Variants in SLC37A1 observed in about 807,000 individuals in gnomAD.
The protein encoded by SLC37A1 is solute carrier family 37 member 1.
Under a neutral mutation model 75.3 loss-of-function variants are expected in SLC37A1, and 49 were observed. The observed-to-expected ratio is 0.65, with a 90% CI of 0.52 to 0.83. The LOEUF (loss-of-function observed/expected upper bound fraction) is 0.83, where lower values mean the gene tolerates loss of function less well. SLC37A1 is among the 40% of genes least tolerant of loss of function. The probability of loss-of-function intolerance (pLI) is 0.00; values close to 1 mark genes in which losing one functional copy is unlikely to be tolerated. For missense variants in SLC37A1, 566 were observed against 695.0 expected, an observed-to-expected ratio of 0.81 and a Z score of 2.09; for synonymous variants, 268 against 292.1, an observed-to-expected ratio of 0.92 and a Z score of 0.84.
At chr21:42,517,899 C>T (rs548772439) in intron 1 of SLC37A1, among the ~76,000 whole-genome samples, 1 of 152,252 alleles carries the variant, frequency 6.6e-6, no homozygotes, top group Non-Finnish European at 1.5e-5. Flanking sequence ...GGAACTGAGG[C>T]AGTCCAGTGC....
At chr21:42,550,061 G>A (rs756488196) in intron 9 of SLC37A1, among the ~76,000 whole-genome samples, 1 of 152,278 alleles carries the variant, frequency 6.6e-6, no homozygotes, top group East Asian at 1.9e-4. Flanking sequence ...GACTACTTCA[G>A]TATGTTTCCA....
At chr21:42,541,500 G>C (rs1020765215) in intron 6 of SLC37A1, among the ~76,000 whole-genome samples, 5 of 152,208 alleles carry the variant, frequency 3.3e-5, no homozygotes, top group African/African-American at 9.6e-5. Context: ...CAAGACGCTA[G>C]AGCGTCCTCA....
chr21:42,571,433 CAAGTT>C (rs1489325375), intron 17 of SLC37A1, among the ~76,000 whole-genome samples: 1 of 152,202 alleles, frequency 6.6e-6, no homozygotes, highest in East Asian at 1.9e-4. Flanking sequence ...CATTTTTCTT[CAAGTT>C]AATTTTTATT....
chr21:42,529,733 A>G (rs889631365), intron 3 of SLC37A1, among the ~76,000 whole-genome samples: 1 of 152,216 alleles, frequency 6.6e-6, no homozygotes, highest in Non-Finnish European at 1.5e-5. Context: ...TCGCCAGGAA[A>G]TATGTGAATG....
Position 42,547,352 on chromosome 21 carries a change from A to G in SLC37A1, c.768+212A>G, listed in dbSNP as rs17115079. The G allele has an allele frequency of 4.1e-3, 2,270 of 560,474 alleles. 32 individuals are homozygous for G. The highest frequency in any genetic ancestry group is 0.038 in the African/African-American group (2,017 of 53,022). 34.7% of individuals were successfully genotyped at this position (560,474 alleles called of 1,614,324 possible). A position where few individuals can be genotyped will look rare whatever the true frequency, so the allele number is the denominator to read the frequency against. On this transcript the variant is annotated intron_variant, in intron 9 of 19. Transcript: ENST00000352133. This position sits in a 1 kb window ranked among gnomAD's most constrained non-coding sequence, Gnocchi z 6.1. ...CAGCAAAACCCAGACAAGAGGTTCA[A>G]TGCTGTCCAGATGAAGGACTTCATG...
intron 5 of SLC37A1, among the ~76,000 whole-genome samples, chr21:42,539,071 A>T (rs557284812): frequency 6.6e-6 from 1 of 152,336 alleles, no homozygotes; most frequent in East Asian, 1.9e-4. Flanking sequence ...ACTTAATTAC[A>T]GCTCGTGGGG....
Position 42,530,656 on chromosome 21 carries a change from C to CACACACACACACA in SLC37A1, c.139-4042_139-4041insACACACACACACA, listed in dbSNP as rs1568997149. On this transcript the variant is annotated intron_variant, in intron 3 of 19. Coordinates refer to ENST00000352133, the MANE Select transcript of SLC37A1 (RefSeq NM_001320537.2). Reference sequence around the variant, plus strand: ...CACACACACACACACACACACACACCCCCTCTGTGTTGGCTGAAGGTGGAG... The same window carrying CACACACACACACA: ...CACACACACACACACACACACACACCACACACACACACACCCTCTGTGTTGGCTGAAGGTGGAG... 3.5e-3 allele frequency among the ~76,000 whole-genome samples: 83 copies of CACACACACACACA among 23,484 alleles called. 4 individuals carry two copies. The highest frequency in any genetic ancestry group is 7.5e-3 in the African/African-American group (53 of 7,028). 15.4% of individuals were successfully genotyped at this position (23,484 alleles called of 152,430 possible). A position where few individuals can be genotyped will look rare whatever the true frequency, so the allele number is the denominator to read the frequency against.
rs1252417091 is a variant in SLC37A1 at position 42,576,880 on chromosome 21, TAGAG to T, written c.1521+1969_1521+1972del. ...GCACAAAAAGAGAGATGGAAAATAT[TAGAG>T]AGAAATTAAATATAAAATGGAGGAC... On this transcript the variant is annotated intron_variant, in intron 18 of 19. Transcript: ENST00000352133. Among the ~76,000 whole-genome samples, 4 of 152,096 alleles carry T rather than the reference TAGAG, an allele frequency of 2.6e-5. No homozygotes were observed. The South Asian group carries it at 6.2e-4, about 24-fold the overall frequency.
intron 3 of SLC37A1, among the ~76,000 whole-genome samples, chr21:42,530,424 G>A (rs1006319351): frequency 5.3e-5 from 8 of 152,068 alleles, no homozygotes; most frequent in African/African-American, 1.9e-4. Flanking sequence ...CTGGCTGGTC[G>A]CTCCTACTTT....
At chr21:42,565,641 CGTG>C (rs1394576831) in intron 14 of SLC37A1, among the ~76,000 whole-genome samples, 183 bp from the exon 15 acceptor site, 1 of 152,216 alleles carries the variant, frequency 6.6e-6, no homozygotes, top group Non-Finnish European at 1.5e-5. Context: ...CCAAAGCCCT[CGTG>C]GTGGGGACAA....
intron 9 of SLC37A1, 106 bp from the exon 10 acceptor site, chr21:42,553,956 G>T: frequency 3.7e-6 from 3 of 806,926 alleles, no homozygotes; most frequent in South Asian, 1.9e-5. Context: ...ATGTCCTCTT[G>T]GTAGCTTTTT....
In SLC37A1 at chr21:42,543,547, G is replaced by A; in HGVS notation, c.675G>A (p.Val225=). 6.2e-7 allele frequency: 1 copy of A among 1,613,488 alleles called. No homozygotes were observed. Among genetic ancestry groups the A allele is most frequent in the Non-Finnish European group, 8.5e-7 (1 of 1,179,656 alleles). ...VSTCWGLSFV[V]PGAIVAAMGI... ...CATGCTGGGGCCTGTCCTTCGTCGT[G>A]CCTGGAGCCATCGTGGCAGCCATGG... The change falls in exon 8 of 20, where the codon GTG becomes GTA. Residue 225 remains valine (V), a synonymous_variant. Transcript: ENST00000352133.
intron 1 of SLC37A1, among the ~76,000 whole-genome samples, chr21:42,501,301 G>C (rs772584693): frequency 6.6e-6 from 1 of 152,198 alleles, no homozygotes; most frequent in Non-Finnish European, 1.5e-5. Flanking sequence ...CAGGATATCA[G>C]TTGCTTAACT....
intron 18 of SLC37A1, among the ~76,000 whole-genome samples, chr21:42,577,359 A>G (rs2056330358): frequency 6.6e-6 from 1 of 152,290 alleles, no homozygotes; most frequent in Non-Finnish European, 1.5e-5. Context: ...TCAACAAAAG[A>G]ATGTGCAACA....
chr21:42,530,857 A>G (rs2054953844), intron 3 of SLC37A1, among the ~76,000 whole-genome samples: 1 of 152,148 alleles, frequency 6.6e-6, no homozygotes, highest in South Asian at 2.1e-4. Flanking sequence ...GCGTGGCTGT[A>G]GTCTTAGGCA....
At chr21:42,568,003 G>A (rs962596676) in intron 16 of SLC37A1, among the ~76,000 whole-genome samples, 3 of 152,260 alleles carry the variant, frequency 2.0e-5, no homozygotes, top group Non-Finnish European at 2.9e-5. Flanking sequence ...ATGTGTCTGG[G>A]AAGGAAGGCC....
upstream of SLC37A1, chr21:42,509,796 A>G (rs1248240779): frequency 6.6e-6 from 1 of 152,186 alleles, no homozygotes; most frequent in Non-Finnish European, 1.5e-5. This position sits in a 1 kb window ranked among gnomAD's most constrained non-coding sequence, Gnocchi z 4.2. Context: ...TCTTTTCTCC[A>G]TGTTAAGTAA....
Position 42,547,076 on chromosome 21 carries a change from C to T in SLC37A1, c.731-27C>T. On this transcript the variant is annotated intron_variant, in intron 8 of 19. Coordinates refer to ENST00000352133, the MANE Select transcript of SLC37A1 (RefSeq NM_001320537.2). This position sits in a 1 kb window ranked among gnomAD's most constrained non-coding sequence, Gnocchi z 6.1. ...GCATTGCCATGGTGGTGGACCTGCT[C>T]AGCCTCACTCATGTTTGCTCTTTCA... 1 of 1,614,166 alleles carries T rather than the reference C, an allele frequency of 6.2e-7. No homozygotes were observed. Among genetic ancestry groups the T allele is most frequent in the Admixed American group, 1.7e-5 (1 of 60,022 alleles).
chr21:42,575,764 C>T (rs2056295335), intron 18 of SLC37A1: 1 of 985,200 alleles, frequency 1.0e-6, no homozygotes, highest in African/African-American at 1.7e-5. Context: ...ATTTTAATTC[C>T]AGGAAATTCT....
Sources: gnomAD v4.1 joint callset for allele counts (sites outside exome capture counted in the v4.1 genomes callset) on GRCh38, gnomAD v4.1.1 for gene constraint, Gnocchi (gnomAD v3.1) non-coding constraint, MANE v1.5 for transcripts, NCBI Gene and HGNC (gene_info 2026-07-23, HGNC 2026-07-21) for gene names.